ANKRD33B: variants seen among roughly 807,000 people sequenced by gnomAD.
ANKRD33B encodes the protein ankyrin repeat domain-containing protein 33B.
A neutral mutation model predicts 21.5 loss-of-function variants in ANKRD33B; 6 were observed. The observed-to-expected ratio is 0.28, with a 90% CI of 0.15 to 0.55. ANKRD33B has a LOEUF of 0.55. Among genes scored for constraint, ANKRD33B ranks in the 20% least tolerant of loss-of-function variants. The probability of loss-of-function intolerance (pLI) is 0.94; values close to 1 mark genes in which losing one functional copy is unlikely to be tolerated. For missense variants in ANKRD33B, 698 were observed against 747.2 expected, an observed-to-expected ratio of 0.93 and a Z score of 0.77; for synonymous variants, 347 against 342.4, an observed-to-expected ratio of 1.01 and a Z score of -0.15.
At chr5:10,568,486 G>A (rs1560958217) in intron 1 of ANKRD33B, among the ~76,000 whole-genome samples, 3 of 152,214 alleles carry the variant, frequency 2.0e-5, no homozygotes. Context: ...CCAAATACAT[G>A]CTCAATTTAA....
At chr5:10,616,904 GA>G (rs1736296375) in intron 1 of ANKRD33B, among the ~76,000 whole-genome samples, 5 of 152,204 alleles carry the variant, frequency 3.3e-5, no homozygotes, top group Non-Finnish European at 5.9e-5. Flanking sequence ...ATCTTTTACA[GA>G]GTGGAAATTT....
intron 1 of ANKRD33B, among the ~76,000 whole-genome samples, chr5:10,617,102 C>T (rs1433584982): frequency 2.6e-5 from 4 of 152,220 alleles, no homozygotes. Flanking sequence ...GAGGACTCCA[C>T]CCTCGTGATC....
intron 1 of ANKRD33B, among the ~76,000 whole-genome samples, chr5:10,601,278 C>T (rs539937983): frequency 6.6e-6 from 1 of 152,300 alleles, no homozygotes; most frequent in African/African-American, 2.4e-5. Context: ...CGTGGTTCTC[C>T]ACCAACTTTG....
rs1735286004 is a variant in ANKRD33B at position 10,575,009 on chromosome 5, C to T, written c.366+10176C>T. On this transcript the variant is annotated intron_variant, in intron 1 of 3. Coordinates refer to ENST00000296657, the MANE Select transcript of ANKRD33B (RefSeq NM_001164440.2). ...GGCTGAGGTGGGAGGATCACTTGAG[C>T]CCAGGAATTCAAGGCTGCAGGATGA... Among the ~76,000 whole-genome samples, 2 of 55,374 alleles carry T rather than the reference C, an allele frequency of 3.6e-5. 1 individual carries two copies. Among genetic ancestry groups the T allele is most frequent in the South Asian group, 1.7e-3 (2 of 1,190 alleles). 36.3% of individuals were successfully genotyped at this position (55,374 alleles called of 152,430 possible).
intron 1 of ANKRD33B, among the ~76,000 whole-genome samples, chr5:10,579,985 C>G (rs765043610): frequency 6.6e-5 from 10 of 151,988 alleles, no homozygotes; most frequent in Non-Finnish European, 1.2e-4. Context: ...CCCTCTATTC[C>G]CCACCCCCTC....
chr5:10,650,178 GAGA>G lies in ANKRD33B; in HGVS notation c.*68_*70del. On this transcript the variant is annotated 3_prime_UTR_variant, in exon 4 of 4. Transcript: ENST00000296657. ...GGGCGGGGCCGCAGGGCTGGGCGCG[GAGA>G]AGGAGGCGGCCCCGTTGCGCATCGC... 7.2e-7 allele frequency: 1 copy of G among 1,392,184 alleles called. No individual in the cohort carries two copies. Among genetic ancestry groups the G allele is most frequent in the African/African-American group, 1.5e-5 (1 of 65,628 alleles). The allele number at this position is 1,392,184 out of a possible 1,614,324, so 86.2% of individuals were successfully genotyped here. A position where few individuals can be genotyped will look rare whatever the true frequency, so the allele number is the denominator to read the frequency against.
At chr5:10,613,056 C>T (rs1006499291) in intron 1 of ANKRD33B, among the ~76,000 whole-genome samples, 1 of 152,088 alleles carries the variant, frequency 6.6e-6, no homozygotes, top group African/African-American at 2.4e-5. Flanking sequence ...TCTTCTGGGG[C>T]ATCAGGATGA....
At chr5:10,642,244 C>A (rs1045533252) in intron 3 of ANKRD33B, among the ~76,000 whole-genome samples, 3 of 152,190 alleles carry the variant, frequency 2.0e-5, no homozygotes, top group Non-Finnish European at 4.4e-5. Context: ...CCTTGCACAT[C>A]TCTTGGAACG....
At chr5:10,599,892 T>G (rs1735896209) in intron 1 of ANKRD33B, among the ~76,000 whole-genome samples, 1 of 152,270 alleles carries the variant, frequency 6.6e-6, no homozygotes. Flanking sequence ...ATGTTTAGCT[T>G]TCTGAGGAAC....
chr5:10,644,093 C>G (rs946040695), intron 3 of ANKRD33B, among the ~76,000 whole-genome samples: 5 of 150,950 alleles, frequency 3.3e-5, no homozygotes, highest in African/African-American at 9.7e-5. Flanking sequence ...AAAATTCACA[C>G]AAATATTTTA....
intron 1 of ANKRD33B, among the ~76,000 whole-genome samples, chr5:10,597,274 A>G (rs1388994060): frequency 6.6e-6 from 1 of 152,224 alleles, no homozygotes; most frequent in Non-Finnish European, 1.5e-5. Context: ...AAGACCCATC[A>G]GTGTGCTTTC....
At chr5:10,637,268 G>T (rs761653485) in intron 2 of ANKRD33B, among the ~76,000 whole-genome samples, 4 of 152,212 alleles carry the variant, frequency 2.6e-5, no homozygotes, top group Non-Finnish European at 5.9e-5. Context: ...CCATGGGCGT[G>T]CCTGGGAATG....
chr5:10,574,518 G>A (rs1016205171), intron 1 of ANKRD33B, among the ~76,000 whole-genome samples: 4 of 152,056 alleles, frequency 2.6e-5, no homozygotes, highest in Non-Finnish European at 5.9e-5. Context: ...GTGGGGAAAA[G>A]CAAAAGTGGT....
intron 1 of ANKRD33B, among the ~76,000 whole-genome samples, chr5:10,585,564 GA>G (rs1735536522): frequency 1.3e-5 from 2 of 152,248 alleles, no homozygotes; most frequent in African/African-American, 4.8e-5. Context: ...CCTGGAATTA[GA>G]AAGCACTTCC....
intron 1 of ANKRD33B, among the ~76,000 whole-genome samples, chr5:10,588,033 C>T (rs1410142731): frequency 2.0e-5 from 3 of 152,130 alleles, no homozygotes; most frequent in Non-Finnish European, 4.4e-5. Flanking sequence ...TATGAAATTG[C>T]CTGTTTCACT....
chr5:10,588,080 G>A (rs936986044), intron 1 of ANKRD33B, among the ~76,000 whole-genome samples: 2 of 152,156 alleles, frequency 1.3e-5, no homozygotes, highest in African/African-American at 2.4e-5. Flanking sequence ...TATCAAAAAT[G>A]TTGAAACGGC....
At position 10,576,832 on chromosome 5, in the gene ANKRD33B, G is replaced by A. The variant is rs373706417; in HGVS notation, c.366+11999G>A. Among the ~76,000 whole-genome samples the A allele has an allele frequency of 6.6e-6, 1 of 152,330 alleles. No homozygotes were observed. Among genetic ancestry groups the A allele is most frequent in the African/African-American group, 2.4e-5 (1 of 41,570 alleles). On this transcript the variant is annotated intron_variant, in intron 1 of 3. Coordinates refer to ENST00000296657, the MANE Select transcript of ANKRD33B (RefSeq NM_001164440.2). The surrounding 1 kb of genome is among the most constrained non-coding windows in gnomAD (Gnocchi z 4.1). The stretch of plus-strand genomic sequence containing the variant: ...GCCTCTTTTGTAACTGTTAAAAGTG[G>A]CAGCCAGTGCCATGGGGAGAAGCCC...
rs539562993 is a variant in ANKRD33B at position 10,654,871 on chromosome 5, A to G, written c.*4758A>G. 168 of 152,626 alleles carry G rather than the reference A, an allele frequency of 1.1e-3. 1 individual carries two copies. Among genetic ancestry groups the G allele is most frequent in the African/African-American group, 3.7e-3 (153 of 41,558 alleles). 9.5% of individuals were successfully genotyped at this position (152,626 alleles called of 1,614,324 possible). ...TCAGCCCAGCACTAAACTCACCAGA[A>G]AAGAGGAGGGAACAGCACGGAGCCA... On this transcript the variant is annotated 3_prime_UTR_variant, in exon 4 of 4. Coordinates refer to ENST00000296657, the MANE Select transcript of ANKRD33B (RefSeq NM_001164440.2).
intron 3 of ANKRD33B, among the ~76,000 whole-genome samples, chr5:10,645,328 G>A (rs555140694): frequency 3.0e-4 from 45 of 152,318 alleles, no homozygotes; most frequent in Middle Eastern, 3.4e-3. Context: ...GTGGGGGCTG[G>A]TGGAGAAGCA....
Sources: gnomAD v4.1 joint callset for allele counts (sites outside exome capture counted in the v4.1 genomes callset) on GRCh38, gnomAD v4.1.1 for gene constraint, Gnocchi (gnomAD v3.1) non-coding constraint, MANE v1.5 for transcripts, NCBI Gene and HGNC (gene_info 2026-07-23, HGNC 2026-07-21) for gene names.